CUX2: variants seen among roughly 807,000 people sequenced by gnomAD.
The protein encoded by CUX2 is cut like homeobox 2, also known as homeobox protein cut-like 2.
In CUX2, 40 loss-of-function variants were observed where a neutral mutation model predicts 144.8. That is an observed-to-expected ratio of 0.28 (90% CI 0.21 to 0.36). CUX2 has a LOEUF of 0.36. Among genes scored for constraint, CUX2 ranks in the 10% least tolerant of loss-of-function variants. The pLI, the probability that CUX2 is intolerant of heterozygous loss-of-function variation, is 1.00. For synonymous variants in CUX2, 827 were observed against 875.6 expected, an observed-to-expected ratio of 0.94 and a Z score of 0.98; for missense variants, 1,615 against 1,994.0, an observed-to-expected ratio of 0.81 and a Z score of 3.62.
chr12:111,328,580 T>TTGTGTGTGTGTGTGTGTGTGTG (rs568983449), intron 18 of CUX2, among the ~76,000 whole-genome samples: 2 of 135,752 alleles, frequency 1.5e-5, no homozygotes, highest in African/African-American at 2.8e-5. Context: ...CCAATTTCTT[T>TTGTGTGTGTGTGTGTGTGTGTG]TGTGTGTGTG....
At chr12:111,162,758 G>A (rs1877861783) in intron 1 of CUX2, among the ~76,000 whole-genome samples, 1 of 152,132 alleles carries the variant, frequency 6.6e-6, no homozygotes, top group African/African-American at 2.4e-5. Context: ...TAGAATTTGG[G>A]GTAAGGGCCA....
chr12:111,225,248 T>C (rs1224412890), intron 3 of CUX2, among the ~76,000 whole-genome samples: 10 of 152,132 alleles, frequency 6.6e-5, no homozygotes, highest in Non-Finnish European at 1.5e-4. Flanking sequence ...TGAGCATGAG[T>C]TGGCATTCCC....
chr12:111,103,004 TAAA>T (rs1182459597), intron 1 of CUX2, among the ~76,000 whole-genome samples: 1 of 152,258 alleles, frequency 6.6e-6, no homozygotes, highest in Admixed American at 6.5e-5. Context: ...TTTTTAGGAA[TAAA>T]ACACTTTATT....
intron 1 of CUX2, among the ~76,000 whole-genome samples, chr12:111,133,106 A>G (rs1875610525): frequency 6.6e-6 from 1 of 152,054 alleles, no homozygotes; most frequent in Admixed American, 6.6e-5. Context: ...CCTCAACCTT[A>G]TTGTTCATAT....
chr12:111,330,718 T>TACATATAC lies in CUX2; in HGVS notation c.2927-3722_2927-3721insCATATACA, dbSNP rs1187726285. 8.0e-4 allele frequency among the ~76,000 whole-genome samples: 35 copies of TACATATAC among 43,554 alleles called. 4 individuals carry two copies. Among genetic ancestry groups the TACATATAC allele is most frequent in the East Asian group, 4.0e-3 (7 of 1,748 alleles). 28.6% of individuals were successfully genotyped at this position (43,554 alleles called of 152,430 possible). A position where few individuals can be genotyped will look rare whatever the true frequency, so the allele number is the denominator to read the frequency against. ...ATATATATATATATATATATATATA[T>TACATATAC]ATATATATATATATATATATATATA... On this transcript the variant is annotated intron_variant, in intron 18 of 21. Coordinates refer to ENST00000261726, the MANE Select transcript of CUX2 (RefSeq NM_015267.4).
Position 111,293,577 on chromosome 12 carries a change from A to G in CUX2, c.560+8A>G, listed in dbSNP as rs1885809079. On this transcript the variant is annotated splice_region_variant and intron_variant, in intron 6 of 21. Coordinates refer to ENST00000261726, the MANE Select transcript of CUX2 (RefSeq NM_015267.4). The surrounding 1 kb of genome is among the most constrained non-coding windows in gnomAD (Gnocchi z 4.5). ...TGAGGCGGAAAAACAAAAGTGAGGA[A>G]GGGAAGGTGGGTGGGAGGGAGGAAG... The G allele has an allele frequency of 6.4e-7, 1 of 1,566,182 alleles. No individual in the cohort carries two copies. The highest frequency in any genetic ancestry group is 8.7e-7 in the Non-Finnish European group (1 of 1,155,592).
At chr12:111,296,777 A>C (rs1244775583) in intron 8 of CUX2, among the ~76,000 whole-genome samples, 19 of 23,122 alleles carry the variant, frequency 8.2e-4, no homozygotes, top group East Asian at 1.4e-3. Context: ...CCCTCTGGCC[A>C]TCCCAGACAC....
intron 20 of CUX2, among the ~76,000 whole-genome samples, 184 bp from the exon 21 acceptor site, chr12:111,341,596 G>A (rs1565933954): frequency 6.6e-6 from 1 of 152,116 alleles, no homozygotes; most frequent in African/African-American, 2.4e-5. Context: ...CGGGGGATTG[G>A]GGGTTGGGAG....
rs746540249 is a variant in CUX2 at position 111,034,250 on chromosome 12, G to A, written c.63+10G>A. On this transcript the variant is annotated intron_variant, in intron 1 of 21. Transcript: ENST00000261726. This position sits in a 1 kb window ranked among gnomAD's most constrained non-coding sequence, Gnocchi z 4.2. ...TCTACGGCGACTCCAGGTTAGTGCG[G>A]GCAGCGCCGGCCGCGCGGCCGTGAG... is the stretch of plus-strand genomic sequence containing the variant. 7.4e-7 allele frequency: 1 copy of A among 1,350,874 alleles called. No homozygotes were observed. The highest frequency in any genetic ancestry group is 9.8e-7 in the Non-Finnish European group (1 of 1,019,910). The allele number at this position is 1,350,874 out of a possible 1,614,324, so 83.7% of individuals were successfully genotyped here. A position where few individuals can be genotyped will look rare whatever the true frequency, so the allele number is the denominator to read the frequency against.
chr12:111,115,551 C>A (rs1401004251), intron 1 of CUX2, among the ~76,000 whole-genome samples: 2 of 152,042 alleles, frequency 1.3e-5, no homozygotes, highest in Non-Finnish European at 2.9e-5. Flanking sequence ...TTCCAAAATG[C>A]TGGATAAAAT....
chr12:111,306,841 G>A, intron 10 of CUX2, 80 bp from the exon 11 acceptor site: 1 of 1,194,892 alleles, frequency 8.4e-7, no homozygotes. Flanking sequence ...CATTCTGCTT[G>A]GGATTCAGGG....
intron 1 of CUX2, among the ~76,000 whole-genome samples, chr12:111,145,305 A>G (rs1484484765): frequency 6.6e-6 from 1 of 152,174 alleles, no homozygotes; most frequent in Non-Finnish European, 1.5e-5. Context: ...GTTCACTCCT[A>G]TGAGGAATGT....
intron 3 of CUX2, among the ~76,000 whole-genome samples, chr12:111,243,070 A>G (rs562044548): frequency 6.6e-6 from 1 of 152,256 alleles, no homozygotes; most frequent in East Asian, 1.9e-4. Flanking sequence ...TCCATGGTGT[A>G]TATGTGCCAC....
At chr12:111,314,308 C>G (rs1263017945) in intron 16 of CUX2, among the ~76,000 whole-genome samples, 2 of 138,908 alleles carry the variant, frequency 1.4e-5, no homozygotes, top group East Asian at 5.1e-4. Flanking sequence ...CTCCTGACCT[C>G]GTGATCCACC....
chr12:111,134,618 C>CTGTGTGTGTGTGTGTGTGTGTG (rs773865569), intron 1 of CUX2, among the ~76,000 whole-genome samples: 1 of 146,232 alleles, frequency 6.8e-6, no homozygotes, highest in African/African-American at 2.7e-5. Context: ...CTCTCTCTCT[C>CTGTGTGTGTGTGTGTGTGTGTG]TCTGTGTGTG....
chr12:111,039,017 G>A lies in CUX2; in HGVS notation c.63+4777G>A, dbSNP rs923956650. On this transcript the variant is annotated intron_variant, in intron 1 of 21. Coordinates refer to ENST00000261726, the MANE Select transcript of CUX2 (RefSeq NM_015267.4). This position sits in a 1 kb window ranked among gnomAD's most constrained non-coding sequence, Gnocchi z 4.2. ...ATTCTATCTTCGAACTTGACATTCT[G>A]TCATGGTAACCTTTCTTCCGGCAGA... Among the ~76,000 whole-genome samples the A allele has an allele frequency of 3.3e-5, 5 of 151,692 alleles. No homozygotes were observed. The highest frequency in any genetic ancestry group is 9.7e-5 in the African/African-American group (4 of 41,236).
intron 4 of CUX2, among the ~76,000 whole-genome samples, chr12:111,269,608 G>T (rs931690273): frequency 2.0e-5 from 3 of 152,164 alleles, no homozygotes; most frequent in Admixed American, 2.0e-4. Context: ...AGACAGGCAG[G>T]AAGACAAAGG....
intron 3 of CUX2, among the ~76,000 whole-genome samples, chr12:111,250,688 A>G (rs1190442736): frequency 6.6e-6 from 1 of 152,218 alleles, no homozygotes; most frequent in Admixed American, 6.5e-5. Context: ...AAAGACACAC[A>G]GCTGGAAACT....
intron 16 of CUX2, among the ~76,000 whole-genome samples, chr12:111,317,868 C>A (rs899676653): frequency 3.3e-5 from 5 of 151,922 alleles, no homozygotes; most frequent in Non-Finnish European, 7.4e-5. Context: ...GGCCTGGTGG[C>A]GAGTGCCTGT....
Sources: gnomAD v4.1 joint callset for allele counts (sites outside exome capture counted in the v4.1 genomes callset) on GRCh38, gnomAD v4.1.1 for gene constraint, Gnocchi (gnomAD v3.1) non-coding constraint, MANE v1.5 for transcripts, NCBI Gene and HGNC (gene_info 2026-07-23, HGNC 2026-07-21) for gene names.